The following SLC8A1 variants were observed in gnomAD, a reference collection of about 807,000 sequenced individuals.
SLC8A1 encodes the protein sodium/calcium exchanger 1.
Under a neutral mutation model 68.3 loss-of-function variants are expected in SLC8A1, and 18 were observed. The ratio of observed to expected loss-of-function variants is 0.26; its 90% CI spans 0.18 to 0.39. The LOEUF is 0.39. SLC8A1 is among the 10% of genes least tolerant of loss of function. The pLI is 1.00. For missense variants in SLC8A1, 985 were observed against 1,156.7 expected (o/e 0.85, Z 2.15); for synonymous variants, 475 against 415.5 (o/e 1.14, Z -1.74).
At position 40,351,889 on chromosome 2, in the gene SLC8A1, G is replaced by A. The variant is rs568877767; in HGVS notation, c.1808+76584C>T. On this transcript the variant is annotated intron_variant, in intron 2 of 7. Transcript: ENST00000406785. ...CAGTACTGATCCTAAGGTGATGTACGACAATTTCAAATTAAATGGTTTTCT... is the reference window on the plus strand; with the variant it reads ...CAGTACTGATCCTAAGGTGATGTACAACAATTTCAAATTAAATGGTTTTCT... Among the ~76,000 whole-genome samples, 31 of 152,238 alleles carry A rather than the reference G, an allele frequency of 2.0e-4. No homozygotes were observed. The South Asian group carries it at 2.1e-3, about 10-fold the overall frequency.
In SLC8A1 at chr2:40,470,680, C is replaced by T. The variant is rs952441634; in HGVS notation, c.-24-40376G>A. ...TATATGTATAGAAAAAAATAAAAGA[C>T]TATCCCTCAACTGATATGTGTGTTT... is the stretch of plus-strand genomic sequence containing the variant. On this transcript the variant is annotated intron_variant, in intron 1 of 7. Coordinates refer to the SLC8A1 transcript ENST00000402441. Among the ~76,000 whole-genome samples the T allele has an allele frequency of 5.9e-4, 89 of 151,828 alleles. 1 individual carries two copies. Among genetic ancestry groups the T allele is most frequent in the Admixed American group, 3.3e-4 (5 of 15,236 alleles).
At chr2:40,201,889 G>T (rs1558731267) in intron 2 of SLC8A1, among the ~76,000 whole-genome samples, 2 of 151,886 alleles carry the variant, frequency 1.3e-5, no homozygotes. Context: ...TTTTCTCAGA[G>T]CATTCTCTAG....
chr2:40,118,360 T>C (rs140664067), intron 7 of SLC8A1: 2 of 152,190 alleles, frequency 1.3e-5, no homozygotes, highest in Non-Finnish European at 2.9e-5. Context: ...TTGAAGCAGG[T>C]TCTTACCAAA....
intron 2 of SLC8A1, among the ~76,000 whole-genome samples, chr2:40,405,629 TTGTG>T (rs1390913238): frequency 7.2e-5 from 11 of 152,222 alleles, no homozygotes; most frequent in African/African-American, 2.2e-4. Flanking sequence ...TATGGTTGGT[TTGTG>T]TGTGTTTCTT....
At chr2:40,334,247 A>C (rs902338255) in intron 2 of SLC8A1, among the ~76,000 whole-genome samples, 5 of 152,200 alleles carry the variant, frequency 3.3e-5, no homozygotes, top group African/African-American at 1.2e-4. Context: ...TTCCAGTCCA[A>C]TGTGATGTTA....
At chr2:40,279,839 A>G (rs2067255434) in intron 2 of SLC8A1, among the ~76,000 whole-genome samples, 1 of 152,202 alleles carries the variant, frequency 6.6e-6, no homozygotes, top group African/African-American at 2.4e-5. Flanking sequence ...AAAAATCTGT[A>G]GCTCACCAAT....
At chr2:40,460,960 T>A (rs944632670) in intron 1 of SLC8A1, among the ~76,000 whole-genome samples, 3 of 152,180 alleles carry the variant, frequency 2.0e-5, no homozygotes, top group African/African-American at 7.2e-5. Flanking sequence ...TGTGTTTAAG[T>A]GGGCATGACC....
At chr2:40,502,399 G>C (rs1288442502) in intron 1 of SLC8A1, among the ~76,000 whole-genome samples, 19 of 151,934 alleles carry the variant, frequency 1.3e-4, no homozygotes, top group Admixed American at 1.2e-3. Flanking sequence ...AATTATTTGA[G>C]GGTAAGGGCT....
intron 2 of SLC8A1, among the ~76,000 whole-genome samples, chr2:40,256,951 C>T (rs1311980481): frequency 1.3e-5 from 2 of 152,090 alleles, no homozygotes; most frequent in South Asian, 2.1e-4. Context: ...AGCCCATCAG[C>T]AACTCAGCCC....
intron 2 of SLC8A1, among the ~76,000 whole-genome samples, chr2:40,253,831 CAAAAAAAAAAAAAAA>C (rs61434245): frequency 1.7e-5 from 1 of 59,840 alleles, no homozygotes; most frequent in Non-Finnish European, 3.1e-5. Flanking sequence ...TGTCTGTCTC[CAAAAAAAAAAAAAAA>C]AAAAAAAAAA....
chr2:40,165,359 C>G (rs1174529163), intron 4 of SLC8A1, among the ~76,000 whole-genome samples: 1 of 152,082 alleles, frequency 6.6e-6, no homozygotes, highest in Non-Finnish European at 1.5e-5. Flanking sequence ...CAGCACGTGA[C>G]CAAAGGGAAA....
chr2:40,488,452 TTG>T (rs58801295), intron 1 of SLC8A1, among the ~76,000 whole-genome samples: 47,388 of 148,888 alleles, frequency 0.32, 9,167 homozygotes, highest in African/African-American at 0.54. Flanking sequence ...ACTTTCTAGT[TTG>T]TGTGTGTGTG....
intron 2 of SLC8A1, among the ~76,000 whole-genome samples, chr2:40,363,028 T>C: frequency 6.6e-6 from 1 of 152,048 alleles, no homozygotes; most frequent in Non-Finnish European, 1.5e-5. Flanking sequence ...TAAATATCCA[T>C]AATCATTTCC....
At chr2:40,105,199 A>C (rs2034120422) in exon 8 of SLC8A1, 1 of 152,206 alleles carries the variant, frequency 6.6e-6, no homozygotes, top group South Asian at 2.1e-4. Flanking sequence ...ACCATGATAG[A>C]TAAAAACTTA....
chr2:40,422,715 C>A (rs1434809934), intron 2 of SLC8A1, among the ~76,000 whole-genome samples: 1 of 152,078 alleles, frequency 6.6e-6, no homozygotes, highest in Non-Finnish European at 1.5e-5. Flanking sequence ...CCTAGAGACC[C>A]AAGGACTAGT....
intron 2 of SLC8A1, among the ~76,000 whole-genome samples, chr2:40,247,538 T>G (rs28421555): frequency 6.6e-6 from 1 of 151,982 alleles, no homozygotes; most frequent in African/African-American, 2.4e-5. Flanking sequence ...GAGCACCAGA[T>G]GGTGTTACAA....
chr2:40,255,057 T>TTCATTCCCTCTCCA (rs11274804), intron 2 of SLC8A1: 20,949 of 151,864 alleles, frequency 0.14, 1,790 homozygotes, highest in Middle Eastern at 0.22. Context: ...TTCTTTCTCC[T>TTCATTCCCTCTCCA]TAAATGACAG....
intron 7 of SLC8A1, among the ~76,000 whole-genome samples, chr2:40,116,455 C>T (rs910897600): frequency 2.0e-5 from 3 of 152,094 alleles, no homozygotes; most frequent in Non-Finnish European, 4.4e-5. Flanking sequence ...CAGTGCTATC[C>T]CTCCCCCAAC....
chr2:40,340,863 G>C (rs1667467419), intron 2 of SLC8A1, among the ~76,000 whole-genome samples: 2 of 152,130 alleles, frequency 1.3e-5, no homozygotes, highest in African/African-American at 4.8e-5. Flanking sequence ...CAATGAGATA[G>C]CACGCACCCC....
Sources: allele counts gnomAD v4.1 joint callset (sites outside exome capture counted in the v4.1 genomes callset), GRCh38; gene constraint gnomAD v4.1.1; transcripts MANE v1.5; gene names NCBI Gene and HGNC (gene_info 2026-07-23, HGNC 2026-07-21).